The following CNTN4 variants were observed in gnomAD, a reference collection of about 807,000 sequenced individuals.
The protein encoded by CNTN4 is contactin-4.
Under a neutral mutation model 122.5 loss-of-function variants are expected in CNTN4, and 77 were observed. That is an observed-to-expected ratio of 0.63 (90% CI 0.52 to 0.76). The LOEUF is 0.76. Ranked by LOEUF, CNTN4 falls within the 30% of genes least tolerant of loss-of-function variation. CNTN4 has a pLI of 0.00. For synonymous variants in CNTN4, 512 were observed against 447.0 expected, an observed-to-expected ratio of 1.15 and a Z score of -1.83; for missense variants, 1,256 against 1,259.1, an observed-to-expected ratio of 1.00 and a Z score of 0.04.
At chr3:2,918,450 C>G (rs1022524991) in intron 12 of CNTN4, among the ~76,000 whole-genome samples, 1 of 152,146 alleles carries the variant, frequency 6.6e-6, no homozygotes, top group Non-Finnish European at 1.5e-5. Flanking sequence ...TGCACTTGCC[C>G]TGTTACCTTC....
At chr3:2,541,868 C>G (rs997035192) in intron 3 of CNTN4, among the ~76,000 whole-genome samples, 1 of 152,064 alleles carries the variant, frequency 6.6e-6, no homozygotes, top group Non-Finnish European at 1.5e-5. Context: ...CTCTGGGAAC[C>G]ATTAGGCAGG....
intron 5 of CNTN4, among the ~76,000 whole-genome samples, chr3:2,743,775 C>T (rs552864067): frequency 6.6e-6 from 1 of 152,156 alleles, no homozygotes; most frequent in South Asian, 2.1e-4. Context: ...TGGACAATTC[C>T]GTAGGAGATT....
intron 2 of CNTN4, among the ~76,000 whole-genome samples, chr3:2,234,206 C>A (rs570267454): frequency 6.6e-6 from 1 of 151,790 alleles, no homozygotes; most frequent in African/African-American, 2.4e-5. Context: ...TGGTGAAACC[C>A]CGTCTCTACT....
At chr3:2,163,400 C>G (rs1440019925) in intron 2 of CNTN4, among the ~76,000 whole-genome samples, 2 of 152,016 alleles carry the variant, frequency 1.3e-5, no homozygotes, top group Non-Finnish European at 2.9e-5. Flanking sequence ...CATAGAAATT[C>G]TAGAAGATAC....
intron 3 of CNTN4, among the ~76,000 whole-genome samples, chr3:2,552,835 T>C: frequency 6.6e-6 from 1 of 152,178 alleles, no homozygotes; most frequent in East Asian, 1.9e-4. Flanking sequence ...GGGAGATGTG[T>C]TCAGAAGAGT....
intron 3 of CNTN4, among the ~76,000 whole-genome samples, chr3:2,341,834 A>G (rs2044223083): frequency 6.6e-6 from 1 of 152,242 alleles, no homozygotes; most frequent in Non-Finnish European, 1.5e-5. Context: ...AGAAATCATA[A>G]TAACTTTCTA....
chr3:2,856,394 G>A (rs2093618460), intron 7 of CNTN4, among the ~76,000 whole-genome samples: 1 of 152,174 alleles, frequency 6.6e-6, no homozygotes. Context: ...AAAGGTGGTG[G>A]CTGAGATAAG....
chr3:2,391,715 T>A (rs2046447638), intron 3 of CNTN4, among the ~76,000 whole-genome samples: 1 of 152,124 alleles, frequency 6.6e-6, no homozygotes, highest in South Asian at 2.1e-4. Flanking sequence ...CATTGGAAAT[T>A]TACATGACGC....
chr3:2,973,015 A>C (rs1419160592), intron 13 of CNTN4, among the ~76,000 whole-genome samples: 1 of 152,028 alleles, frequency 6.6e-6, no homozygotes, highest in Non-Finnish European at 1.5e-5. Context: ...GGACCCATGT[A>C]TCAAGTCCTT....
intron 3 of CNTN4, among the ~76,000 whole-genome samples, chr3:2,502,000 A>G (rs756465795): frequency 1.1e-4 from 17 of 152,210 alleles, no homozygotes; most frequent in Non-Finnish European, 2.2e-4. Context: ...TATAAAGTAC[A>G]TATAAAACAA....
At chr3:2,561,899 G>A (rs1361359795) in intron 3 of CNTN4, among the ~76,000 whole-genome samples, 1 of 152,130 alleles carries the variant, frequency 6.6e-6, no homozygotes, top group Non-Finnish European at 1.5e-5. Context: ...GGCTGCCCTT[G>A]GGCTAAGCAG....
intron 3 of CNTN4, among the ~76,000 whole-genome samples, chr3:2,388,553 C>G (rs2046328063): frequency 6.6e-6 from 1 of 152,198 alleles, no homozygotes; most frequent in East Asian, 1.9e-4. Flanking sequence ...TAGAAATCTA[C>G]CTAACCAATG....
chr3:2,640,230 T>G (rs900776589), intron 4 of CNTN4, among the ~76,000 whole-genome samples: 2 of 152,164 alleles, frequency 1.3e-5, no homozygotes. Context: ...GAGTCTAAAT[T>G]GAGTAACAAA....
In CNTN4 at chr3:2,935,890, G is replaced by A. The variant is rs528450459; in HGVS notation, c.1358+10111G>A. Among the ~76,000 whole-genome samples the A allele has an allele frequency of 5.9e-5, 9 of 152,278 alleles. No homozygotes were observed. The South Asian group carries it at 1.2e-3, about 21-fold the overall frequency. ...TGAAATGAATGAACCAACCCAAATCGTCTGATTCTTGGAGGGGATTGAGGA... is the reference window on the plus strand; with the variant it reads ...TGAAATGAATGAACCAACCCAAATCATCTGATTCTTGGAGGGGATTGAGGA... On this transcript the variant is annotated intron_variant, in intron 13 of 24. Coordinates refer to ENST00000418658, the MANE Select transcript of CNTN4 (RefSeq NM_175607.3).
At chr3:2,598,010 A>T (rs1175391417) in intron 4 of CNTN4, among the ~76,000 whole-genome samples, 1 of 152,128 alleles carries the variant, frequency 6.6e-6, no homozygotes, top group East Asian at 1.9e-4. Flanking sequence ...ATTTTTATTC[A>T]TGCCTTGGTT....
At chr3:2,170,245 G>A (rs532561629) in intron 2 of CNTN4, among the ~76,000 whole-genome samples, 124 of 151,872 alleles carry the variant, frequency 8.2e-4, no homozygotes, top group African/African-American at 2.9e-3. Context: ...GCGGGAACCC[G>A]GGAGGCGGAG....
chr3:2,892,932 C>CT (rs900707096), intron 10 of CNTN4, among the ~76,000 whole-genome samples: 3 of 152,096 alleles, frequency 2.0e-5, no homozygotes, highest in African/African-American at 7.2e-5. Flanking sequence ...GCTAGAACTG[C>CT]TTTTTTCTGC....
At chr3:3,019,895 G>C (rs1698139819) in intron 14 of CNTN4, among the ~76,000 whole-genome samples, 1 of 150,768 alleles carries the variant, frequency 6.6e-6, no homozygotes, top group Admixed American at 6.6e-5. Context: ...AGCTACTGAG[G>C]AGTGTATATG....
chr3:2,858,812 A>G (rs1462858559), intron 7 of CNTN4, among the ~76,000 whole-genome samples: 1 of 152,212 alleles, frequency 6.6e-6, no homozygotes, highest in Non-Finnish European at 1.5e-5. Flanking sequence ...CATTGCATAT[A>G]TTTATGGCAT....
Sources: allele counts gnomAD v4.1 joint callset (sites outside exome capture counted in the v4.1 genomes callset), GRCh38; gene constraint gnomAD v4.1.1; transcripts MANE v1.5; gene names NCBI Gene and HGNC (gene_info 2026-07-23, HGNC 2026-07-21).